The following KIF13B variants were observed in gnomAD, a reference collection of about 807,000 sequenced individuals.
KIF13B encodes the protein kinesin family member 13B, also known as kinesin-like protein KIF13B.
Under a neutral mutation model 222.0 loss-of-function variants are expected in KIF13B, and 127 were observed. The observed-to-expected ratio is 0.57, with a 90% CI of 0.50 to 0.66. KIF13B has a LOEUF of 0.66. KIF13B is among the 30% of genes least tolerant of loss of function. KIF13B has a pLI of 0.00. For synonymous variants in KIF13B, 976 were observed against 919.0 expected, an observed-to-expected ratio of 1.06 and a Z score of -1.12; for missense variants, 2,173 against 2,379.0, an observed-to-expected ratio of 0.91 and a Z score of 1.80.
chr8:29,142,159 G>A lies in KIF13B; in HGVS notation c.2332C>T (p.Pro778Ser), dbSNP rs1810844410. 2 of 1,610,872 alleles carry A rather than the reference G, an allele frequency of 1.2e-6. No individual in the cohort carries two copies. Among genetic ancestry groups the A allele is most frequent in the African/African-American group, 1.3e-5 (1 of 74,648 alleles). The change falls in exon 19 of 40, where the codon CCA becomes TCA. Residue 778 changes from proline to serine, a missense_variant and splice_region_variant. Physicochemically the swap from Pro to Ser is moderately conservative, Grantham distance 74. Around this residue, in one of 2 missense-constraint regions of KIF13B, gnomAD observed 1,480 missense variants for 1,722.8 expected, o/e 0.86. Transcript: ENST00000524189. ...QEWKECEEDN[P>S]VIRSYFKRAD... ...TGATTTTCTCTTAAATAACTTACTG[G>A]GTTATCTTCTTCACACTCTTTCCAC... is the stretch of plus-strand genomic sequence containing the variant.
intron 2 of KIF13B, among the ~76,000 whole-genome samples, chr8:29,211,723 A>G (rs950025781): frequency 2.6e-5 from 4 of 152,242 alleles, no homozygotes; most frequent in African/African-American, 9.6e-5. Context: ...GCTTGGAGGC[A>G]TGAGTTACAA....
At chr8:29,239,947 G>A (rs1376304701) in intron 2 of KIF13B, among the ~76,000 whole-genome samples, 3 of 151,012 alleles carry the variant, frequency 2.0e-5, no homozygotes, top group Non-Finnish European at 2.9e-5. Flanking sequence ...ACAGGCATGA[G>A]CCACTGCGCC....
intron 28 of KIF13B, among the ~76,000 whole-genome samples, chr8:29,122,924 G>A (rs1429358774): frequency 6.6e-6 from 1 of 152,160 alleles, no homozygotes; most frequent in African/African-American, 2.4e-5. Flanking sequence ...ATATACTTAA[G>A]GGCTTCCTCT....
chr8:29,127,808 T>C (rs1810180436), intron 24 of KIF13B, among the ~76,000 whole-genome samples: 2 of 152,218 alleles, frequency 1.3e-5, no homozygotes, highest in African/African-American at 4.8e-5. Context: ...TAATCATACA[T>C]ATACACAAAA....
chr8:29,223,409 A>G (rs572929135), intron 2 of KIF13B, among the ~76,000 whole-genome samples: 4 of 152,132 alleles, frequency 2.6e-5, no homozygotes, highest in African/African-American at 4.8e-5. Context: ...AAATTCAAAC[A>G]AAAGTTTTAA....
intron 24 of KIF13B, among the ~76,000 whole-genome samples, chr8:29,129,809 G>A (rs374141348): frequency 6.2e-4 from 95 of 152,304 alleles, no homozygotes; most frequent in African/African-American, 1.9e-3. Flanking sequence ...CCAGCTGTGT[G>A]TACTTAACAC....
intron 18 of KIF13B, among the ~76,000 whole-genome samples, chr8:29,144,241 C>T (rs963221778): frequency 1.1e-4 from 17 of 151,968 alleles, no homozygotes; most frequent in Admixed American, 1.0e-3. Flanking sequence ...TTTGAGAATT[C>T]TTACGGTCAA....
At chr8:29,113,678 A>G in intron 31 of KIF13B, 123 bp from the exon 32 acceptor site, 1 of 687,044 alleles carries the variant, frequency 1.5e-6, no homozygotes, top group East Asian at 2.7e-5. Flanking sequence ...GGTTTCCAAC[A>G]TAAGCAAGTG....
At chr8:29,146,653 C>T in intron 17 of KIF13B, 113 bp from the exon 18 acceptor site, 2 of 943,274 alleles carry the variant, frequency 2.1e-6, no homozygotes, top group South Asian at 1.6e-5. Flanking sequence ...TGAGCTTTTT[C>T]CGTGGTCGTC....
intron 10 of KIF13B, among the ~76,000 whole-genome samples, chr8:29,173,394 G>A (rs2130217825): frequency 6.6e-6 from 1 of 151,998 alleles, no homozygotes; most frequent in Middle Eastern, 3.4e-3. Flanking sequence ...GGCCGAGGCA[G>A]GAGGATGCTC....
chr8:29,156,020 A>G (rs1413811134), intron 13 of KIF13B, among the ~76,000 whole-genome samples, 164 bp from the exon 14 acceptor site: 1 of 152,044 alleles, frequency 6.6e-6, no homozygotes, highest in South Asian at 2.1e-4. Flanking sequence ...CCATGCTGGA[A>G]GGCAATGGTG....
chr8:29,219,875 G>A (rs915650452), intron 2 of KIF13B, among the ~76,000 whole-genome samples: 1 of 151,772 alleles, frequency 6.6e-6, no homozygotes, highest in Non-Finnish European at 1.5e-5. Flanking sequence ...CCAGCCTGGG[G>A]AACATGGTGA....
chr8:29,108,946 A>G (rs1415697468), intron 34 of KIF13B, among the ~76,000 whole-genome samples: 1 of 152,234 alleles, frequency 6.6e-6, no homozygotes, highest in South Asian at 2.1e-4. Flanking sequence ...ATGCACATAA[A>G]TTATATATAG....
chr8:29,149,224 T>C (rs1234772835), intron 15 of KIF13B, among the ~76,000 whole-genome samples: 1 of 152,242 alleles, frequency 6.6e-6, no homozygotes, highest in Non-Finnish European at 1.5e-5. Flanking sequence ...AAGATCAGCT[T>C]AATCCAAACG....
intron 2 of KIF13B, among the ~76,000 whole-genome samples, chr8:29,211,437 T>C (rs1483338168): frequency 7.3e-4 from 9 of 12,272 alleles, no homozygotes; most frequent in Non-Finnish European, 2.3e-3. Context: ...CTATAGATAC[T>C]TTCCTGGCCC....
chr8:29,210,327 T>A (rs1814163627), intron 2 of KIF13B, among the ~76,000 whole-genome samples: 1 of 152,084 alleles, frequency 6.6e-6, no homozygotes, highest in South Asian at 2.1e-4. Context: ...ACAGATCTAC[T>A]CACCAGAGAG....
At position 29,127,275 on chromosome 8, in the gene KIF13B, C is replaced by T. The variant is rs544389428; in HGVS notation, c.3076-7G>A. ...GAACTCTCCGGGACTGCCCCTGGGTCACAGACAATTTAGAGTCTTAAAATC... is the reference window on the plus strand; with the variant it reads ...GAACTCTCCGGGACTGCCCCTGGGTTACAGACAATTTAGAGTCTTAAAATC... On this transcript the variant is annotated splice_region_variant and splice_polypyrimidine_tract_variant and intron_variant, in intron 24 of 39. Coordinates refer to ENST00000524189, the MANE Select transcript of KIF13B (RefSeq NM_015254.4). 6.2e-7 allele frequency: 1 copy of T among 1,612,338 alleles called. No individual in the cohort carries two copies. The highest frequency in any genetic ancestry group is 1.3e-5 in the African/African-American group (1 of 74,990).
At chr8:29,160,648 G>C (rs1811735430) in intron 13 of KIF13B, 85 bp downstream of exon 13, 2 of 1,283,658 alleles carry the variant, frequency 1.6e-6, no homozygotes, top group African/African-American at 1.5e-5. Flanking sequence ...TTCTGAGTAA[G>C]CATGGTTCCC....
At chr8:29,086,704 A>G (rs1244844156) in intron 37 of KIF13B, among the ~76,000 whole-genome samples, 1 of 152,174 alleles carries the variant, frequency 6.6e-6, no homozygotes, top group Non-Finnish European at 1.5e-5. Flanking sequence ...GATGTTGACT[A>G]TCTAAGTCTT....
Sources: allele counts gnomAD v4.1 joint callset (sites outside exome capture counted in the v4.1 genomes callset), GRCh38; gene constraint gnomAD v4.1.1; regional missense constraint gnomAD v4.1.1; transcripts MANE v1.5; gene names NCBI Gene and HGNC (gene_info 2026-07-23, HGNC 2026-07-21).